Variants in STOX2 observed in about 807,000 individuals in gnomAD.
STOX2 encodes storkhead-box protein 2.
Under a neutral mutation model 60.9 loss-of-function variants are expected in STOX2, and 28 were observed. The observed-to-expected ratio is 0.46, with a 90% CI of 0.34 to 0.63. STOX2 has a LOEUF of 0.63. Among genes scored for constraint, STOX2 ranks in the 30% least tolerant of loss-of-function variants. The pLI is 0.01. For synonymous variants in STOX2, 472 were observed against 463.9 expected, an observed-to-expected ratio of 1.02 and a Z score of -0.22; for missense variants, 1,024 against 1,187.7, an observed-to-expected ratio of 0.86 and a Z score of 2.03.
intron 1 of STOX2, among the ~76,000 whole-genome samples, chr4:183,826,252 G>A (rs1434818465): frequency 1.3e-5 from 2 of 152,038 alleles, no homozygotes; most frequent in Non-Finnish European, 1.5e-5. Context: ...CCTTTCTGTT[G>A]GGGCACTTCT....
At chr4:183,879,091 T>C (rs1313598807) in intron 1 of STOX2, among the ~76,000 whole-genome samples, 2 of 152,212 alleles carry the variant, frequency 1.3e-5, no homozygotes, top group African/African-American at 4.8e-5. Context: ...CATAAATCTC[T>C]CCCAAATTAT....
At chr4:183,955,676 C>T (rs1018815589) in intron 1 of STOX2, among the ~76,000 whole-genome samples, 1 of 152,176 alleles carries the variant, frequency 6.6e-6, no homozygotes, top group African/African-American at 2.4e-5. Context: ...TGGGCCACAT[C>T]TCTAGTAGCT....
chr4:183,857,996 TAGA>T (rs1158230667), intron 1 of STOX2, among the ~76,000 whole-genome samples: 1 of 151,984 alleles, frequency 6.6e-6, no homozygotes, highest in African/African-American at 2.4e-5. Flanking sequence ...GGCATTGGAG[TAGA>T]AGGATGAGGG....
rs1734408184 is a variant in STOX2 at position 184,017,162 on chromosome 4, C to T, written c.2659C>T (p.Pro887Ser). The T allele has an allele frequency of 1.9e-6, 3 of 1,613,772 alleles. No individual in the cohort carries two copies. The highest frequency in any genetic ancestry group is 2.5e-6 in the Non-Finnish European group (3 of 1,179,806). ...SNRRQNPALS[P>S]AHGGAGPAFN... is the part of the protein sequence containing the mutation. ...CCGTCGTCAGAACCCCGCTTTGAGC[C>T]CGGCCCATGGTGGAGCTGGTCCAGC... Residue 887 changes from proline to serine, a missense_variant, in exon 4 of 4, where the codon CCG (proline) becomes TCG (serine). Pro to Ser is a moderately conservative substitution (Grantham distance 74, BLOSUM62 -1). Coordinates refer to ENST00000308497, the MANE Select transcript of STOX2 (RefSeq NM_020225.3).
At chr4:183,962,563 G>A (rs1743442668) in intron 1 of STOX2, among the ~76,000 whole-genome samples, 1 of 152,164 alleles carries the variant, frequency 6.6e-6, no homozygotes, top group South Asian at 2.1e-4. Context: ...GCAATGGCAA[G>A]TTCAAACTAG....
intron 1 of STOX2, among the ~76,000 whole-genome samples, chr4:183,816,483 A>T (rs1303105625): frequency 6.6e-6 from 1 of 152,200 alleles, no homozygotes; most frequent in Non-Finnish European, 1.5e-5. Flanking sequence ...AACAGTAGAC[A>T]TCAGATACCC....
intron 1 of STOX2, among the ~76,000 whole-genome samples, chr4:183,817,948 G>A (rs1010824430): frequency 1.3e-5 from 2 of 151,614 alleles, no homozygotes; most frequent in African/African-American, 4.9e-5. Context: ...CCCACCTCAC[G>A]CAGCAGAACA....
chr4:183,997,064 C>T (rs1451963493), intron 1 of STOX2, among the ~76,000 whole-genome samples: 1 of 152,202 alleles, frequency 6.6e-6, no homozygotes, highest in Non-Finnish European at 1.5e-5. Flanking sequence ...ACGTTGCCTT[C>T]TGTCATGGAG....
intron 1 of STOX2, among the ~76,000 whole-genome samples, chr4:183,897,698 A>C (rs1741368339): frequency 6.6e-6 from 1 of 152,258 alleles, no homozygotes; most frequent in South Asian, 2.1e-4. Flanking sequence ...CAGATGCATT[A>C]GTAAATACAC....
Position 184,005,728 on chromosome 4 carries a change from C to A in STOX2, c.320-3430C>A, listed in dbSNP as rs149092717. On this transcript the variant is annotated intron_variant, in intron 2 of 3. Transcript: ENST00000308497. ...TCAGGTCAACCCTACAGATTTCTGG[C>A]AGAACCCTGAATTTCACAATCAGTC... 2.0e-3 allele frequency among the ~76,000 whole-genome samples: 302 copies of A among 152,266 alleles called. 6 individuals carry two copies. The East Asian group carries it at 0.05, about 25-fold the overall frequency.
chr4:183,828,110 G>C (rs1481386955), intron 1 of STOX2, among the ~76,000 whole-genome samples: 1 of 152,138 alleles, frequency 6.6e-6, no homozygotes, highest in Admixed American at 6.5e-5. Context: ...TTAAAGCAAA[G>C]TACCTGAAAA....
intron 1 of STOX2, among the ~76,000 whole-genome samples, chr4:183,963,815 A>T (rs572503038): frequency 6.8e-6 from 1 of 146,764 alleles, no homozygotes; most frequent in Non-Finnish European, 1.5e-5. Flanking sequence ...TCGCTCTGTC[A>T]CCCAGGCTGG....
intron 1 of STOX2, among the ~76,000 whole-genome samples, chr4:183,949,483 A>C (rs1378106815): frequency 6.6e-6 from 1 of 152,058 alleles, no homozygotes; most frequent in Non-Finnish European, 1.5e-5. Flanking sequence ...GCGGATTACA[A>C]GGTCAGGAGT....
rs1292396703 is a variant in STOX2, at chr4:184,001,372, A to G, written c.214A>G (p.Ile72Val). ...GTCTCCCATCAGTCAGTCTCAGTTT[A>G]TTCCACTCGGGGAGATCCTCTGCTT... The part of the protein sequence containing the change: ...SMSPISQSQF[I>V]PLGEILCLAI... The change falls in exon 2 of 4, where the codon ATT becomes GTT. Residue 72 changes from isoleucine (I) to valine (V), a missense_variant. This residue lies in a region of STOX2 where 98 missense variants were observed against 110.2 expected (regional missense o/e 0.89). Transcript: ENST00000308497. The surrounding 1 kb of genome is among the most constrained non-coding windows in gnomAD (Gnocchi z 4.2). 3 of 1,613,818 alleles carry G rather than the reference A, an allele frequency of 1.9e-6. No individual in the cohort carries two copies. The highest frequency in any genetic ancestry group is 2.5e-6 in the Non-Finnish European group (3 of 1,179,894).
rs760357193 is a variant in STOX2 at position 184,009,860 on chromosome 4, A to C, written c.1022A>C (p.Lys341Thr). 1 of 1,611,556 alleles carries C rather than the reference A, an allele frequency of 6.2e-7. No homozygotes were observed. Among genetic ancestry groups the C allele is most frequent in the Admixed American group, 1.7e-5 (1 of 59,714 alleles). Residue 341 changes from lysine (K) to threonine (T), a missense_variant, in exon 3 of 4, where the codon AAG becomes ACG. Lys to Thr is a moderately conservative substitution (Grantham distance 78). Transcript: ENST00000308497. This position sits in a 1 kb window ranked among gnomAD's most constrained non-coding sequence, Gnocchi z 4.0. ...CTCATGAAGAAACTGGAAGAAGAAAAGGCCCAGAGGAGTAAAGCCGGGTCC... is the reference window on the plus strand; with the variant it reads ...CTCATGAAGAAACTGGAAGAAGAAACGGCCCAGAGGAGTAAAGCCGGGTCC... ...TALMKKLEEE[K>T]AQRSKAGSSA... is the part of the protein sequence containing the mutation.
intron 1 of STOX2, among the ~76,000 whole-genome samples, chr4:183,982,167 A>G (rs1732678508): frequency 6.6e-6 from 1 of 152,184 alleles, no homozygotes; most frequent in African/African-American, 2.4e-5. Context: ...GATGTACTAG[A>G]TGTTTTTCTG....
chr4:183,986,791 A>C (rs1230007617), intron 1 of STOX2, among the ~76,000 whole-genome samples: 1 of 152,194 alleles, frequency 6.6e-6, no homozygotes, highest in African/African-American at 2.4e-5. Context: ...CCAGAGCCTG[A>C]GCTCTGTTGG....
chr4:184,007,725 G>C (rs1733933664), intron 2 of STOX2, among the ~76,000 whole-genome samples: 1 of 152,176 alleles, frequency 6.6e-6, no homozygotes, highest in African/African-American at 2.4e-5. Flanking sequence ...GTCCTTCTGA[G>C]AGCTGTGAGG....
chr4:183,798,183 G>A, intron 1 of STOX2: 6 of 942,184 alleles, frequency 6.4e-6, no homozygotes, highest in Admixed American at 9.1e-5. Flanking sequence ...GGGTGCCCGC[G>A]TCCCTGCCGG....
Sources: gnomAD v4.1 joint callset for allele counts (sites outside exome capture counted in the v4.1 genomes callset) on GRCh38, gnomAD v4.1.1 for gene constraint, gnomAD v4.1.1 regional missense constraint, Gnocchi (gnomAD v3.1) non-coding constraint, MANE v1.5 for transcripts, NCBI Gene and HGNC (gene_info 2026-07-23, HGNC 2026-07-21) for gene names.